The following PPP2R2B variants were observed in gnomAD, a reference collection of about 807,000 sequenced individuals.
PPP2R2B encodes protein phosphatase 2 regulatory subunit Bbeta, also known as serine/threonine-protein phosphatase 2A 55 kDa regulatory subunit B beta isoform.
In PPP2R2B, 5 loss-of-function variants were observed where a neutral mutation model predicts 46.0. The observed-to-expected ratio is 0.11, with a 90% CI of 0.06 to 0.23. The LOEUF is 0.23. PPP2R2B is among the 10% of genes least tolerant of loss of function. The probability of loss-of-function intolerance (pLI) is 1.00; values close to 1 mark genes in which losing one functional copy is unlikely to be tolerated. For missense variants in PPP2R2B, 367 were observed against 575.0 expected (o/e 0.64, Z 3.70); for synonymous variants, 215 against 206.7 (o/e 1.04, Z -0.34).
intron 1 of PPP2R2B, among the ~76,000 whole-genome samples, chr5:146,988,964 C>T (rs1753558554): frequency 6.6e-6 from 1 of 151,936 alleles, no homozygotes; most frequent in Admixed American, 6.6e-5. Flanking sequence ...TAAGAAACTA[C>T]TATGAACAAC....
chr5:146,900,782 C>T (rs899929380), intron 1 of PPP2R2B, among the ~76,000 whole-genome samples: 2 of 151,776 alleles, frequency 1.3e-5, no homozygotes, highest in Non-Finnish European at 2.9e-5. Flanking sequence ...ATGCCCCCCT[C>T]TCCCCGTGCC....
intron 7 of PPP2R2B, 51 bp downstream of exon 7, chr5:146,638,200 C>A: frequency 1.3e-6 from 2 of 1,571,918 alleles, no homozygotes; most frequent in South Asian, 2.4e-5. Context: ...TCTCCCCCAG[C>A]ACATTGGGGC....
rs879505186 is a variant in PPP2R2B at position 147,023,835 on chromosome 5, GA to G, written c.79+31829del. ...TTCCAATCCATTGAGGGCCCAGACA[GA>G]AAAAAAAAAAGTAGAGGAAGGACAA... On this transcript the variant is annotated intron_variant, in intron 1 of 8. Coordinates refer to the PPP2R2B transcript ENST00000336640. Among the ~76,000 whole-genome samples, 449 of 145,236 alleles carry G rather than the reference GA, an allele frequency of 3.1e-3. 3 individuals are homozygous for G. The highest frequency in any genetic ancestry group is 0.01 in the African/African-American group (406 of 39,842).
intron 7 of PPP2R2B, among the ~76,000 whole-genome samples, chr5:146,632,990 C>T (rs753895045): frequency 6.6e-5 from 10 of 152,064 alleles, no homozygotes; most frequent in Non-Finnish European, 1.5e-4. Context: ...GTCCATTACA[C>T]CTGGCCAGTT....
chr5:146,819,925 T>A (rs1758155071), intron 2 of PPP2R2B, among the ~76,000 whole-genome samples: 1 of 152,184 alleles, frequency 6.6e-6, no homozygotes, highest in African/African-American at 2.4e-5. Flanking sequence ...TGCAGCAACA[T>A]GGATGAGCCC....
rs2150991144 is a variant in PPP2R2B at position 146,586,708 on chromosome 5, G to A, written c.*3239C>T. 6.6e-6 allele frequency: 1 copy of A among 152,178 alleles called. No homozygotes were observed. The highest frequency in any genetic ancestry group is 2.1e-4 in the South Asian group (1 of 4,818). The allele number at this position is 152,178 out of a possible 1,614,324, so 9.4% of individuals were successfully genotyped here. A position where few individuals can be genotyped will look rare whatever the true frequency, so the allele number is the denominator to read the frequency against. On this transcript the variant is annotated 3_prime_UTR_variant, in exon 10 of 10. Coordinates refer to ENST00000394411, the MANE Select transcript of PPP2R2B (RefSeq NM_181675.4). Reference sequence around the variant, plus strand: ...TGAATTAATTACAAGATCAATGAGAGGTTTAAAGGTGCTTTTTTTTCAATG... The same window carrying A: ...TGAATTAATTACAAGATCAATGAGAAGTTTAAAGGTGCTTTTTTTTCAATG...
chr5:146,925,075 T>G (rs1763736897), intron 1 of PPP2R2B, among the ~76,000 whole-genome samples: 1 of 152,206 alleles, frequency 6.6e-6, no homozygotes, highest in African/African-American at 2.4e-5. Flanking sequence ...TCCTTTGTGC[T>G]ATTACTGTCC....
intron 1 of PPP2R2B, among the ~76,000 whole-genome samples, chr5:146,909,077 C>T (rs558209584): frequency 5.3e-5 from 8 of 152,270 alleles, no homozygotes; most frequent in African/African-American, 1.9e-4. Context: ...GAAGATTTCC[C>T]CTGCAGCTAA....
At chr5:146,691,539 ATAAGAG>A (rs1207337342) in intron 4 of PPP2R2B, among the ~76,000 whole-genome samples, 4 of 152,234 alleles carry the variant, frequency 2.6e-5, no homozygotes, top group Non-Finnish European at 5.9e-5. Flanking sequence ...GCATTGAATA[ATAAGAG>A]TGCAACATAC....
chr5:146,812,939 C>T (rs1561927981), intron 2 of PPP2R2B, among the ~76,000 whole-genome samples: 1 of 147,450 alleles, frequency 6.8e-6, no homozygotes, highest in Non-Finnish European at 1.5e-5. Flanking sequence ...CGCTGGGTCC[C>T]TCTCACAACA....
At chr5:147,035,245 C>G in intron 1 of PPP2R2B, 1 of 411,404 alleles carries the variant, frequency 2.4e-6, no homozygotes, top group Non-Finnish European at 4.8e-6. Context: ...GCACATCTTA[C>G]ATGGTAGCAG....
chr5:146,969,148 A>G (rs1582518134), intron 1 of PPP2R2B, among the ~76,000 whole-genome samples: 1 of 152,220 alleles, frequency 6.6e-6, no homozygotes, highest in Non-Finnish European at 1.5e-5. Context: ...TCAAGATGCC[A>G]TCGGAGCATT....
At chr5:146,795,752 C>A (rs1273427357) in intron 2 of PPP2R2B, among the ~76,000 whole-genome samples, 1 of 152,072 alleles carries the variant, frequency 6.6e-6, no homozygotes, top group Non-Finnish European at 1.5e-5. Context: ...TATAGTATAT[C>A]AAAACGTCAG....
chr5:147,000,767 G>A (rs1315531057), intron 1 of PPP2R2B, among the ~76,000 whole-genome samples: 1 of 152,008 alleles, frequency 6.6e-6, no homozygotes, highest in Non-Finnish European at 1.5e-5. Flanking sequence ...AGAGTACATA[G>A]TGTGTGGTTT....
intron 2 of PPP2R2B, among the ~76,000 whole-genome samples, chr5:146,747,924 G>A (rs1282203509): frequency 2.0e-5 from 3 of 152,044 alleles, no homozygotes; most frequent in Non-Finnish European, 2.9e-5. Flanking sequence ...TATGAACTGA[G>A]GTACTTGGGG....
intron 7 of PPP2R2B, among the ~76,000 whole-genome samples, chr5:146,608,028 G>T (rs1458961342): frequency 3.3e-5 from 5 of 152,162 alleles, no homozygotes; most frequent in Non-Finnish European, 5.9e-5. Context: ...TCAACTATTT[G>T]AAAATGTAAA....
At chr5:147,060,685 C>T (rs1437019742), upstream of PPP2R2B, among the ~76,000 whole-genome samples, 1 of 152,078 alleles carries the variant, frequency 6.6e-6, no homozygotes, top group Non-Finnish European at 1.5e-5. Context: ...AAAACCTACT[C>T]CTCTCTTCTT....
chr5:146,717,598 T>C (rs1780566768), intron 2 of PPP2R2B, among the ~76,000 whole-genome samples: 1 of 152,210 alleles, frequency 6.6e-6, no homozygotes, highest in Admixed American at 6.5e-5. Context: ...ATATACCTCC[T>C]GCTTCTTCAC....
In PPP2R2B at chr5:147,026,598, G is replaced by A. The variant is rs755017289; in HGVS notation, c.79+29067C>T. Among the ~76,000 whole-genome samples, 144 of 151,804 alleles carry A rather than the reference G, an allele frequency of 9.5e-4. 1 individual carries two copies. The highest frequency in any genetic ancestry group is 1.5e-3 in the Non-Finnish European group (103 of 67,938). ...TTTTATTATGTACAATTTACTGTAG[G>A]CCAACTATACCTCAACAAATTTAAA... On this transcript the variant is annotated intron_variant, in intron 1 of 8. Transcript: ENST00000336640.
Sources: gnomAD v4.1 joint callset for allele counts (sites outside exome capture counted in the v4.1 genomes callset) on GRCh38, gnomAD v4.1.1 for gene constraint, MANE v1.5 for transcripts, NCBI Gene and HGNC (gene_info 2026-07-23, HGNC 2026-07-21) for gene names.